NF1: variants seen among roughly 807,000 people sequenced by gnomAD.
NF1 encodes neurofibromin.
In NF1, 122 loss-of-function variants were observed where a neutral mutation model predicts 325.7. The ratio of observed to expected loss-of-function variants is 0.37; its 90% CI spans 0.32 to 0.44. The LOEUF is 0.44. NF1 is among the 20% of genes least tolerant of loss of function. The pLI is 1.00. For synonymous variants in NF1, 1,091 were observed against 1,186.0 expected (o/e 0.92, Z 1.65); for missense variants, 2,140 against 3,415.4 (o/e 0.63, Z 9.31).
chr17:31,248,906 A>C (rs2067446085), intron 29 of NF1, 78 bp from the exon 30 acceptor site: 2 of 1,424,406 alleles, frequency 1.4e-6, no homozygotes, highest in Non-Finnish European at 2.0e-6. Context: ...ATGTCTGTAT[A>C]AGAGTCTCTT....
In NF1 at chr17:31,226,486, A is replaced by C; in HGVS notation, c.2053A>C (p.Thr685Pro). Reference sequence around the variant, plus strand: ...CCCCCCGATTTGCCGACAAGCCCAGACCAAACTAGAAGTGGCCCTGTACAT... The same window carrying C: ...CCCCCCGATTTGCCGACAAGCCCAGCCCAAACTAGAAGTGGCCCTGTACAT... Reference protein sequence around the residue: ...GTPPICRQAQTKLEVALYMFL... With the variant: ...GTPPICRQAQPKLEVALYMFL... Residue 685 changes from threonine (T) to proline (P), a missense_variant, in exon 18 of 58, where the codon ACC becomes CCC. Thr to Pro is a conservative substitution (Grantham distance 38). Around this residue, in one of 10 missense-constraint regions of NF1, gnomAD observed 380 missense variants for 639.3 expected, o/e 0.59. Transcript: ENST00000358273. The C allele has an allele frequency of 1.2e-6, 2 of 1,613,838 alleles. No individual in the cohort carries two copies. The highest frequency in any genetic ancestry group is 1.7e-6 in the Non-Finnish European group (2 of 1,179,802).
At chr17:31,200,654 C>T (rs2143875735) in intron 9 of NF1, 59 bp downstream of exon 9, 1 of 1,544,826 alleles carries the variant, frequency 6.5e-7, no homozygotes, top group South Asian at 1.1e-5. Flanking sequence ...AATTTTCTAG[C>T]ATAAGTATTA....
intron 2 of NF1, among the ~76,000 whole-genome samples, chr17:31,157,897 C>T (rs993421033): frequency 2.6e-5 from 4 of 151,508 alleles, no homozygotes; most frequent in African/African-American, 9.7e-5. Flanking sequence ...ACCCGGGAGG[C>T]GGAGCTTGTA....
Position 31,244,027 on chromosome 17 carries a change from A to C in NF1, c.3975-4957A>C, listed in dbSNP as rs569210166. On this transcript the variant is annotated intron_variant, in intron 29 of 57. Transcript: ENST00000358273. ...AGGGGCCAAGGGCTCTTTAGTCAGC[A>C]GGTGATGAGTTCTGCCAAGACTGGG... Among the ~76,000 whole-genome samples, 15 of 152,224 alleles carry C rather than the reference A, an allele frequency of 9.9e-5. No homozygotes were observed. In the East Asian group the frequency reaches 2.5e-3, roughly 26 times the overall value.
intron 48 of NF1, 104 bp downstream of exon 48, chr17:31,343,239 A>G (rs2069873579): frequency 8.5e-7 from 1 of 1,172,020 alleles, no homozygotes; most frequent in East Asian, 2.5e-5. Flanking sequence ...GTTAGCCCTT[A>G]TGTCTTACTT....
chr17:31,208,051 C>G (rs75550563), intron 12 of NF1, among the ~76,000 whole-genome samples: 2 of 152,216 alleles, frequency 1.3e-5, no homozygotes, highest in East Asian at 3.9e-4. Flanking sequence ...AATATGTTCT[C>G]TACACTTAGA....
At chr17:31,126,205 A>C (rs1321564965) in intron 1 of NF1, among the ~76,000 whole-genome samples, 1 of 152,122 alleles carries the variant, frequency 6.6e-6, no homozygotes, top group Admixed American at 6.6e-5. Context: ...AAGAAAAAAA[A>C]ATTATGTATC....
At chr17:31,151,554 C>G (rs971365124) in intron 1 of NF1, among the ~76,000 whole-genome samples, 3 of 152,124 alleles carry the variant, frequency 2.0e-5, no homozygotes, top group Admixed American at 2.0e-4. Flanking sequence ...CCAGGAACCT[C>G]CATGGACGGT....
At chr17:31,153,709 C>T (rs905444156) in intron 1 of NF1, among the ~76,000 whole-genome samples, 5 of 151,968 alleles carry the variant, frequency 3.3e-5, no homozygotes, top group African/African-American at 1.2e-4. Context: ...TTTCTGGGCT[C>T]AAGCAGTCCT....
At chr17:31,157,808 A>AC (rs1310025860) in intron 2 of NF1, among the ~76,000 whole-genome samples, 1 of 151,370 alleles carries the variant, frequency 6.6e-6, no homozygotes, top group Non-Finnish European at 1.5e-5. Flanking sequence ...AAAAAAAAAA[A>AC]AAAAAAACTT....
chr17:31,247,387 C>G (rs996884060), intron 29 of NF1, among the ~76,000 whole-genome samples: 2 of 151,856 alleles, frequency 1.3e-5, no homozygotes, highest in Admixed American at 1.3e-4. Context: ...TTTTTAGATA[C>G]CAGTGGGGAG....
At chr17:31,143,771 T>C (rs1457117779) in intron 1 of NF1, among the ~76,000 whole-genome samples, 3 of 152,200 alleles carry the variant, frequency 2.0e-5, no homozygotes, top group Non-Finnish European at 4.4e-5. Context: ...CTTAACAGTA[T>C]ATTTCAGTAC....
At chr17:31,278,690 C>G (rs1792510183) in intron 36 of NF1, among the ~76,000 whole-genome samples, 1 of 151,286 alleles carries the variant, frequency 6.6e-6, no homozygotes, top group Admixed American at 6.6e-5. Flanking sequence ...TCTCAGCTCA[C>G]TGCAACCTAC....
At chr17:31,326,662 A>C (rs1247449635) in intron 37 of NF1, among the ~76,000 whole-genome samples, 1 of 152,122 alleles carries the variant, frequency 6.6e-6, no homozygotes, top group African/African-American at 2.4e-5. Context: ...ATAAAAGGTT[A>C]TGTAAATCTA....
At chr17:31,132,662 G>A (rs1915478355) in intron 1 of NF1, among the ~76,000 whole-genome samples, 1 of 151,786 alleles carries the variant, frequency 6.6e-6, no homozygotes, top group African/African-American at 2.4e-5. Flanking sequence ...ACTTTTTAAT[G>A]TTACTTATTT....
chr17:31,178,497 A>C (rs1012453187), intron 5 of NF1, among the ~76,000 whole-genome samples: 3 of 151,992 alleles, frequency 2.0e-5, no homozygotes, highest in Admixed American at 6.6e-5. Flanking sequence ...CATAATAACA[A>C]ATTCACACAT....
chr17:31,300,340 TA>T (rs907745391), intron 36 of NF1, among the ~76,000 whole-genome samples: 3 of 151,878 alleles, frequency 2.0e-5, no homozygotes, highest in Non-Finnish European at 4.4e-5. Flanking sequence ...TTTGAAAACC[TA>T]AAAAAAATGT....
chr17:31,105,846 C>T (rs1912812733), intron 1 of NF1, among the ~76,000 whole-genome samples: 1 of 152,192 alleles, frequency 6.6e-6, no homozygotes, highest in Non-Finnish European at 1.5e-5. Context: ...AAATTCTTTC[C>T]TGCTCCACCT....
chr17:31,127,889 G>GTC (rs1411582233), intron 1 of NF1, among the ~76,000 whole-genome samples: 2 of 151,960 alleles, frequency 1.3e-5, no homozygotes, highest in South Asian at 2.1e-4. Flanking sequence ...TAGGGGAGAT[G>GTC]ACATTGGGAA....
Sources: gnomAD v4.1 joint callset for allele counts (sites outside exome capture counted in the v4.1 genomes callset) on GRCh38, gnomAD v4.1.1 for gene constraint, gnomAD v4.1.1 regional missense constraint, MANE v1.5 for transcripts, NCBI Gene and HGNC (gene_info 2026-07-23, HGNC 2026-07-21) for gene names.